HECTD4: variants seen among roughly 807,000 people sequenced by gnomAD.
HECTD4 encodes the protein probable E3 ubiquitin-protein ligase HECTD4.
Under a neutral mutation model 471.5 loss-of-function variants are expected in HECTD4, and 114 were observed. The observed-to-expected ratio is 0.24, with a 90% CI of 0.21 to 0.28. The LOEUF (loss-of-function observed/expected upper bound fraction) is 0.28. Among genes scored for constraint, HECTD4 ranks in the 10% least tolerant of loss-of-function variants. The pLI, the probability that HECTD4 is intolerant of heterozygous loss-of-function variation, is 1.00. For synonymous variants in HECTD4, 2,012 were observed against 2,256.0 expected, an observed-to-expected ratio of 0.89 and a Z score of 3.07; for missense variants, 3,866 against 5,651.5, an observed-to-expected ratio of 0.68 and a Z score of 10.13.
chr12:112,381,972 C>T lies in HECTD4; in HGVS notation c.157G>A (p.Ala53Thr). 8.2e-7 allele frequency: 1 copy of T among 1,224,424 alleles called. No individual in the cohort carries two copies. Among genetic ancestry groups the T allele is most frequent in the Non-Finnish European group, 1.0e-6 (1 of 983,204 alleles). 75.8% of individuals were successfully genotyped at this position (1,224,424 alleles called of 1,614,324 possible). ...CTCACCTCCAGGTCGGTGTCCGCGG[C>T]CTCTGGGGCCCCGAGGATCTCGCTG... ...LPSEILGAPE[A>T]ADTDLEILTF... is the part of the protein sequence containing the mutation. The change falls in exon 1 of 76, where the codon GCC becomes ACC. Residue 53 changes from alanine (A) to threonine (T), a missense_variant. Transcript: ENST00000682272. This position sits in a 1 kb window ranked among gnomAD's most constrained non-coding sequence, Gnocchi z 4.1.
intron 1 of HECTD4, among the ~76,000 whole-genome samples, chr12:112,343,055 CTG>C (rs2036080878): frequency 6.6e-6 from 1 of 151,130 alleles, no homozygotes; most frequent in African/African-American, 2.4e-5. Context: ...AATCATATAA[CTG>C]TACAATTTTA....
rs558928312 is a variant in HECTD4, at chr12:112,270,250, G to A, written c.2152C>T (p.Arg718Cys). The change falls in exon 12 of 76, where the codon CGC (arginine) becomes TGC (cysteine). Residue 718 changes from arginine to cysteine, a missense_variant. Around this residue, in one of 16 missense-constraint regions of HECTD4, gnomAD observed 525 missense variants for 672.6 expected, o/e 0.78. Transcript: ENST00000682272. ...ACCTGAAAGACAACGAGAATGCAGC[G>A]TATAATACAGGTATCTCCATTAACC... ...AMVNGDTCII[R>C]CILVVFQVVF... 1.4e-4 allele frequency: 230 copies of A among 1,612,944 alleles called. 3 individuals carry two copies. In the South Asian group the frequency reaches 2.3e-3, roughly 16 times the overall value.
chr12:112,232,861 TA>T, intron 38 of HECTD4, 142 bp downstream of exon 38: 1 of 671,672 alleles, frequency 1.5e-6, no homozygotes, highest in South Asian at 1.9e-5. Context: ...TGGCCTCAGT[TA>T]AGGCACTGAC....
Position 112,179,565 on chromosome 12 carries a change from C to T in HECTD4, c.10988-168G>A, listed in dbSNP as rs1310997326. Among the ~76,000 whole-genome samples the T allele has an allele frequency of 6.6e-6, 1 of 152,264 alleles. No individual in the cohort carries two copies. Among genetic ancestry groups the T allele is most frequent in the Non-Finnish European group, 1.5e-5 (1 of 68,046 alleles). On this transcript the variant is annotated intron_variant, in intron 62 of 75. Coordinates refer to ENST00000682272, the MANE Select transcript of HECTD4 (RefSeq NM_001388303.1). This position sits in a 1 kb window ranked among gnomAD's most constrained non-coding sequence, Gnocchi z 4.3. ...CTCCCTCCCTGGGCACAGCCCAGCA[C>T]ATGCCCAGCCTTCCTTGCCGTAAGG...
rs2030718974 is a variant in HECTD4 at position 112,162,311 on chromosome 12, A to C, written c.*76T>G. ...ACTCCTCACGCAGGGCCCTGGAGGG[A>C]CGGGCCGCAGTGGTGGCTTCCCAAG... On this transcript the variant is annotated 3_prime_UTR_variant, in exon 76 of 76. Transcript: ENST00000682272. This position sits in a 1 kb window ranked among gnomAD's most constrained non-coding sequence, Gnocchi z 5.2. 28 of 1,568,712 alleles carry C rather than the reference A, an allele frequency of 1.8e-5. No individual in the cohort carries two copies. In the South Asian group the frequency reaches 3.1e-4, roughly 18 times the overall value.
chr12:112,312,044 G>A (rs1304260964), intron 4 of HECTD4, among the ~76,000 whole-genome samples: 1 of 152,138 alleles, frequency 6.6e-6, no homozygotes, highest in African/African-American at 2.4e-5. Flanking sequence ...GGGGCCTGCC[G>A]CTTAGATTCT....
chr12:112,345,090 A>T (rs2036123933), intron 1 of HECTD4, among the ~76,000 whole-genome samples: 1 of 152,048 alleles, frequency 6.6e-6, no homozygotes, highest in African/African-American at 2.4e-5. Context: ...TCCATCTTTT[A>T]AAAATTGCCA....
rs1439542308 is a variant in HECTD4 at position 112,179,093 on chromosome 12, C to G, written c.11212-11G>C. On this transcript the variant is annotated splice_polypyrimidine_tract_variant and intron_variant, in intron 63 of 75. Coordinates refer to ENST00000682272, the MANE Select transcript of HECTD4 (RefSeq NM_001388303.1). The surrounding 1 kb of genome is among the most constrained non-coding windows in gnomAD (Gnocchi z 4.3). ...ATACTTCCTCAGGATCTGTGGAGCA[C>G]AGAGGCAGCGGGGAGGCTCTCAGGT... The G allele has an allele frequency of 6.2e-7, 1 of 1,613,832 alleles. No individual in the cohort carries two copies. Among genetic ancestry groups the G allele is most frequent in the Non-Finnish European group, 8.5e-7 (1 of 1,179,896 alleles).
chr12:112,176,445 C>T, intron 65 of HECTD4, 151 bp downstream of exon 65: 1 of 627,530 alleles, frequency 1.6e-6, no homozygotes, highest in Non-Finnish European at 2.9e-6. Context: ...GCTGTCCTGC[C>T]TGATACCCCA....
At chr12:112,203,922 A>C in intron 53 of HECTD4, 150 bp from the exon 54 acceptor site, 1 of 463,216 alleles carries the variant, frequency 2.2e-6, no homozygotes, top group South Asian at 6.5e-5. Flanking sequence ...CAGAACCCTC[A>C]GTTTTGTTAT....
intron 11 of HECTD4, 89 bp from the exon 12 acceptor site, chr12:112,270,548 C>A: frequency 4.8e-6 from 5 of 1,047,818 alleles, no homozygotes; most frequent in Non-Finnish European, 7.2e-6. Context: ...AAGGTGTGTG[C>A]GCACTAGAAA....
At chr12:112,315,155 G>C (rs1054514164) in intron 2 of HECTD4, among the ~76,000 whole-genome samples, 6 of 152,128 alleles carry the variant, frequency 3.9e-5, no homozygotes, top group African/African-American at 9.7e-5. Flanking sequence ...TCTGTCATAT[G>C]GTCAGCAAGA....
Position 112,162,289 on chromosome 12 carries a change from C to T in HECTD4, c.*98G>A. 1.4e-6 allele frequency: 2 copies of T among 1,433,360 alleles called. No individual in the cohort carries two copies. Among genetic ancestry groups the T allele is most frequent in the Non-Finnish European group, 1.9e-6 (2 of 1,038,170 alleles). The allele number at this position is 1,433,360 out of a possible 1,614,324, so 88.8% of individuals were successfully genotyped here. ...TTGGAAAAGCAAAATGTTGCCAACT[C>T]CTCACGCAGGGCCCTGGAGGGACGG... is the stretch of plus-strand genomic sequence containing the variant. On this transcript the variant is annotated 3_prime_UTR_variant, in exon 76 of 76. Transcript: ENST00000682272. The surrounding 1 kb of genome is among the most constrained non-coding windows in gnomAD (Gnocchi z 5.2).
In HECTD4 at chr12:112,173,463, C is replaced by G. The variant is rs1318523027; in HGVS notation, c.11595-602G>C. Among the ~76,000 whole-genome samples the G allele has an allele frequency of 6.6e-6, 1 of 152,038 alleles. No homozygotes were observed. The highest frequency in any genetic ancestry group is 1.5e-5 in the Non-Finnish European group (1 of 68,018). On this transcript the variant is annotated intron_variant, in intron 66 of 75. Coordinates refer to ENST00000682272, the MANE Select transcript of HECTD4 (RefSeq NM_001388303.1). This position sits in a 1 kb window ranked among gnomAD's most constrained non-coding sequence, Gnocchi z 4.3. ...GGAGTGCAGTGGTGCGATCTCAGCT[C>G]ACTGCAAGCTCTGCCTCCTGGGTTC...
rs1429535278 is a variant in HECTD4 at position 112,201,128 on chromosome 12, G to A, written c.8407-330C>T. On this transcript the variant is annotated intron_variant, in intron 54 of 75. Coordinates refer to ENST00000682272, the MANE Select transcript of HECTD4 (RefSeq NM_001388303.1). ...ATTTTTTTTGAGATGGAGTCTCACC[G>A]TGTCATCCAAGCTGGAGTGCAGTGG... is the stretch of plus-strand genomic sequence containing the variant. The A allele has an allele frequency of 1.8e-5, 8 of 453,808 alleles. 1 individual carries two copies. The highest frequency in any genetic ancestry group is 1.4e-4 in the East Asian group (2 of 14,478). 28.1% of individuals were successfully genotyped at this position (453,808 alleles called of 1,614,324 possible). A position where few individuals can be genotyped will look rare whatever the true frequency, so the allele number is the denominator to read the frequency against.
intron 16 of HECTD4, among the ~76,000 whole-genome samples, chr12:112,264,856 C>T (rs2034232144): frequency 6.6e-6 from 1 of 152,202 alleles, no homozygotes; most frequent in African/African-American, 2.4e-5. Flanking sequence ...ACTCCACCTC[C>T]TGGGTTCACG....
At chr12:112,164,685 A>C (rs1328002096) in intron 72 of HECTD4, among the ~76,000 whole-genome samples, 1 of 151,700 alleles carries the variant, frequency 6.6e-6, no homozygotes, top group Non-Finnish European at 1.5e-5. Context: ...CAATGGCGCA[A>C]TCTTGGCTCG....
At chr12:112,278,695 A>G (rs908592770) in intron 9 of HECTD4, among the ~76,000 whole-genome samples, 2 of 152,328 alleles carry the variant, frequency 1.3e-5, no homozygotes. Flanking sequence ...GAATTCCAGA[A>G]CAGACTGGCC....
intron 1 of HECTD4, among the ~76,000 whole-genome samples, chr12:112,340,498 T>C (rs1258981929): frequency 1.3e-5 from 2 of 152,050 alleles, no homozygotes; most frequent in Non-Finnish European, 2.9e-5. Context: ...TCTGGCAAGG[T>C]CTAGAGATAT....
Sources: gnomAD v4.1 joint callset for allele counts (sites outside exome capture counted in the v4.1 genomes callset) on GRCh38, gnomAD v4.1.1 for gene constraint, gnomAD v4.1.1 regional missense constraint, Gnocchi (gnomAD v3.1) non-coding constraint, MANE v1.5 for transcripts, NCBI Gene and HGNC (gene_info 2026-07-23, HGNC 2026-07-21) for gene names.